VAT1L: variants seen among roughly 807,000 people sequenced by gnomAD.
VAT1L encodes putative NADPH-dependent quinone oxidoreductase VAT1L.
In VAT1L, 34 loss-of-function variants were observed where a neutral mutation model predicts 44.1. That is an observed-to-expected ratio of 0.77 (90% CI 0.59 to 1.03). The LOEUF is 1.03. Ranked by LOEUF, VAT1L falls within the 50% of genes least tolerant of loss-of-function variation. The pLI is 0.00. For missense variants in VAT1L, 615 were observed against 538.8 expected (o/e 1.14, Z -1.40); for synonymous variants, 253 against 202.2 (o/e 1.25, Z -2.13).
At position 77,934,601 on chromosome 16, in the gene VAT1L, C is replaced by T. The variant is rs1281923556; in HGVS notation, c.1078-37249C>T. Reference sequence around the variant, plus strand: ...ATAATAAACCCCTGTTGGTTTAAGCCACTAAGTCTGTAGTAATTTGTTATA... The same window carrying T: ...ATAATAAACCCCTGTTGGTTTAAGCTACTAAGTCTGTAGTAATTTGTTATA... On this transcript the variant is annotated intron_variant, in intron 7 of 8. Transcript: ENST00000302536. 5.3e-5 allele frequency among the ~76,000 whole-genome samples: 8 copies of T among 152,086 alleles called. 1 individual carries two copies.
intron 3 of VAT1L, among the ~76,000 whole-genome samples, chr16:77,831,918 C>T (rs1444870352): frequency 3.3e-5 from 5 of 151,374 alleles, no homozygotes; most frequent in East Asian, 2.0e-4. Context: ...CGGCTTCAAT[C>T]GATTCTCCTG....
intron 4 of VAT1L, among the ~76,000 whole-genome samples, chr16:77,873,412 CAT>C (rs898644242): frequency 4.6e-5 from 7 of 152,176 alleles, no homozygotes; most frequent in Non-Finnish European, 8.8e-5. Flanking sequence ...AGGAAGCACA[CAT>C]ATAGAGACAC....
At chr16:77,870,081 C>G (rs1225737861) in intron 4 of VAT1L, among the ~76,000 whole-genome samples, 1 of 152,200 alleles carries the variant, frequency 6.6e-6, no homozygotes, top group African/African-American at 2.4e-5. Flanking sequence ...ATGGGAACTA[C>G]TAATAGTAAA....
At chr16:77,793,958 A>G (rs1227963543) in intron 1 of VAT1L, among the ~76,000 whole-genome samples, 1 of 152,238 alleles carries the variant, frequency 6.6e-6, no homozygotes, top group African/African-American at 2.4e-5. Flanking sequence ...CAACTCAACA[A>G]AATCAGTATT....
chr16:77,918,433 A>G (rs1374571985), intron 7 of VAT1L, among the ~76,000 whole-genome samples: 1 of 151,992 alleles, frequency 6.6e-6, no homozygotes, highest in Non-Finnish European at 1.5e-5. Flanking sequence ...CTTTCTCTTC[A>G]TTCCACAGGG....
chr16:77,837,798 G>T (rs1234786782), intron 3 of VAT1L, among the ~76,000 whole-genome samples: 2 of 152,200 alleles, frequency 1.3e-5, no homozygotes, highest in South Asian at 2.1e-4. Context: ...TTATTATATG[G>T]CATTTTAAAA....
At chr16:77,927,719 A>G (rs1271799702) in intron 7 of VAT1L, among the ~76,000 whole-genome samples, 3 of 151,960 alleles carry the variant, frequency 2.0e-5, no homozygotes, top group Non-Finnish European at 4.4e-5. Flanking sequence ...CTACTAAAAA[A>G]TTAGCCGGGT....
chr16:77,914,301 T>C (rs2017528728), intron 7 of VAT1L, among the ~76,000 whole-genome samples: 1 of 152,250 alleles, frequency 6.6e-6, no homozygotes. Context: ...CTCATTTGGC[T>C]ATCTATGCTT....
intron 1 of VAT1L, among the ~76,000 whole-genome samples, chr16:77,812,876 C>T (rs1192886039): frequency 1.3e-5 from 2 of 152,096 alleles, no homozygotes; most frequent in African/African-American, 4.8e-5. Context: ...GGGAAGAAAA[C>T]TGAGACAGTC....
intron 7 of VAT1L, among the ~76,000 whole-genome samples, chr16:77,955,088 T>C (rs1057078031): frequency 6.6e-6 from 1 of 152,158 alleles, no homozygotes; most frequent in Admixed American, 6.5e-5. Context: ...TCCTCGTTCT[T>C]GGGAAAGAGC....
At chr16:77,810,207 T>C (rs981232250) in intron 1 of VAT1L, among the ~76,000 whole-genome samples, 7 of 152,178 alleles carry the variant, frequency 4.6e-5, no homozygotes, top group African/African-American at 1.7e-4. Flanking sequence ...AGACTTGAAT[T>C]AGCTTTAAAA....
chr16:77,820,707 C>T (rs2016437900), intron 2 of VAT1L, among the ~76,000 whole-genome samples: 1 of 152,144 alleles, frequency 6.6e-6, no homozygotes, highest in Non-Finnish European at 1.5e-5. Flanking sequence ...TTCAATTTTC[C>T]AATCTATATA....
chr16:77,971,812 G>A lies in VAT1L; in HGVS notation c.1078-38G>A, dbSNP rs775419197. 6.3e-6 allele frequency: 10 copies of A among 1,597,540 alleles called. No homozygotes were observed. In the East Asian group the frequency reaches 1.3e-4, roughly 21 times the overall value. Reference sequence around the variant, plus strand: ...CCCCTTTTTAACTGGGGAACATCTCGCCTAACCAGCACCTCTGTTTCTCAC... The same window carrying A: ...CCCCTTTTTAACTGGGGAACATCTCACCTAACCAGCACCTCTGTTTCTCAC... On this transcript the variant is annotated intron_variant, in intron 7 of 8. Coordinates refer to ENST00000302536, the MANE Select transcript of VAT1L (RefSeq NM_020927.3).
In VAT1L at chr16:77,884,229, G is replaced by C. The variant is rs557930003; in HGVS notation, c.883-379G>C. Among the ~76,000 whole-genome samples, 1 of 152,108 alleles carries C rather than the reference G, an allele frequency of 6.6e-6. No homozygotes were observed. The highest frequency in any genetic ancestry group is 2.4e-5 in the African/African-American group (1 of 41,490). ...TCACGAGGTCAGGAGTTCAAGACCA[G>C]CCTGGCCAAGATGGTGAAACCCCAT... On this transcript the variant is annotated intron_variant, in intron 6 of 8. Transcript: ENST00000302536. The surrounding 1 kb of genome is among the most constrained non-coding windows in gnomAD (Gnocchi z 4.5).
chr16:77,896,582 G>A (rs1253776881), intron 7 of VAT1L, among the ~76,000 whole-genome samples: 1 of 152,184 alleles, frequency 6.6e-6, no homozygotes, highest in Non-Finnish European at 1.5e-5. Context: ...TTGAGGTCAG[G>A]GACTCTTGGC....
chr16:77,929,355 G>C (rs995512506), intron 7 of VAT1L, among the ~76,000 whole-genome samples: 1 of 152,148 alleles, frequency 6.6e-6, no homozygotes, highest in South Asian at 2.1e-4. Context: ...GGAGTTATAT[G>C]AGCCCTCTGT....
At chr16:77,834,792 A>G (rs1026621544) in intron 3 of VAT1L, among the ~76,000 whole-genome samples, 1 of 151,926 alleles carries the variant, frequency 6.6e-6, no homozygotes, top group African/African-American at 2.4e-5. Context: ...TCATCCCTTC[A>G]TTTTCCTAAG....
In VAT1L at chr16:77,946,244, C is replaced by G. The variant is rs140977120; in HGVS notation, c.1078-25606C>G. Among the ~76,000 whole-genome samples, 352 of 149,276 alleles carry G rather than the reference C, an allele frequency of 2.4e-3. 3 individuals are homozygous for G. Among genetic ancestry groups the G allele is most frequent in the African/African-American group, 7.7e-3 (312 of 40,660 alleles). ...AACAGCTCTAACAGAGTTTACTCAACCACTCTCCTGTTCTGGACATCTAGG... is the reference window on the plus strand; with the variant it reads ...AACAGCTCTAACAGAGTTTACTCAAGCACTCTCCTGTTCTGGACATCTAGG... On this transcript the variant is annotated intron_variant, in intron 7 of 8. Coordinates refer to ENST00000302536, the MANE Select transcript of VAT1L (RefSeq NM_020927.3).
chr16:77,825,142 T>C, intron 2 of VAT1L, 104 bp from the exon 3 acceptor site: 24 of 1,239,850 alleles, frequency 1.9e-5, no homozygotes, highest in Non-Finnish European at 2.6e-5. Context: ...GCTGGGATTA[T>C]ACGCATGAGC....
Sources: gnomAD v4.1 joint callset for allele counts (sites outside exome capture counted in the v4.1 genomes callset) on GRCh38, gnomAD v4.1.1 for gene constraint, Gnocchi (gnomAD v3.1) non-coding constraint, MANE v1.5 for transcripts, NCBI Gene and HGNC (gene_info 2026-07-23, HGNC 2026-07-21) for gene names.